The following ATXN7L1 variants were observed in gnomAD, a reference collection of about 807,000 sequenced individuals.
ATXN7L1 encodes the protein ataxin-7-like protein 1.
Under a neutral mutation model 70.8 loss-of-function variants are expected in ATXN7L1, and 15 were observed. The ratio of observed to expected loss-of-function variants is 0.21; its 90% CI spans 0.14 to 0.33. The LOEUF (loss-of-function observed/expected upper bound fraction) is 0.33, where lower values mean the gene tolerates loss of function less well. Among genes scored for constraint, ATXN7L1 ranks in the 10% least tolerant of loss-of-function variants. The pLI is 1.00. For missense variants in ATXN7L1, 975 were observed against 1,097.1 expected, an observed-to-expected ratio of 0.89 and a Z score of 1.57; for synonymous variants, 440 against 445.1, an observed-to-expected ratio of 0.99 and a Z score of 0.14.
chr7:105,639,629 T>A, intron 5 of ATXN7L1, 60 bp from the exon 6 acceptor site: 2 of 1,204,012 alleles, frequency 1.7e-6, no homozygotes, highest in Non-Finnish European at 2.4e-6. Context: ...GATTTGGCAT[T>A]AAGACTACAT....
rs1018387270 is a variant in ATXN7L1 at position 105,605,482 on chromosome 7, G to T, written c.*2370C>A. ...AGCAGCATTCGATGAGGGTGGGGGG[G>T]GGGGTGGGGGCTCTTTATTCCAGCT... On this transcript the variant is annotated 3_prime_UTR_variant, in exon 12 of 12. Coordinates refer to ENST00000419735, the MANE Select transcript of ATXN7L1 (RefSeq NM_020725.2). 3.0e-5 allele frequency: 3 copies of T among 98,468 alleles called. No individual in the cohort carries two copies. Among genetic ancestry groups the T allele is most frequent in the Admixed American group, 2.3e-4 (2 of 8,532 alleles). 6.1% of individuals were successfully genotyped at this position (98,468 alleles called of 1,614,324 possible).
At chr7:105,764,502 G>T (rs951883071) in intron 3 of ATXN7L1, among the ~76,000 whole-genome samples, 1 of 152,160 alleles carries the variant, frequency 6.6e-6, no homozygotes, top group Non-Finnish European at 1.5e-5. Flanking sequence ...CCCTCCAGGG[G>T]ATTCTGACAC....
chr7:105,610,501 T>TGGGG, intron 11 of ATXN7L1, 28 bp downstream of exon 11: 2 of 1,526,696 alleles, frequency 1.3e-6, no homozygotes, highest in Non-Finnish European at 8.9e-7. Flanking sequence ...TATGAATTTT[T>TGGGG]GCCCCACCCC....
At position 105,607,120 on chromosome 7, in the gene ATXN7L1, T is replaced by A. The variant is rs1021532114; in HGVS notation, c.*732A>T. 2 of 152,850 alleles carry A rather than the reference T, an allele frequency of 1.3e-5. No homozygotes were observed. Among genetic ancestry groups the A allele is most frequent in the African/African-American group, 4.8e-5 (2 of 41,434 alleles). 9.5% of individuals were successfully genotyped at this position (152,850 alleles called of 1,614,324 possible). On this transcript the variant is annotated 3_prime_UTR_variant, in exon 12 of 12. Transcript: ENST00000419735. ...TGCTGCCACCTTCCCAAACCTGTTC[T>A]GGCCCCTGTCCCTGACTGGTTTATC...
chr7:105,624,801 A>G (rs1339204502), intron 7 of ATXN7L1, among the ~76,000 whole-genome samples: 2 of 152,170 alleles, frequency 1.3e-5, no homozygotes, highest in East Asian at 1.9e-4. Flanking sequence ...GTTCTGCCCC[A>G]CTTGTTGTCC....
intron 3 of ATXN7L1, among the ~76,000 whole-genome samples, chr7:105,727,669 CAAA>C (rs761366095): frequency 2.6e-5 from 2 of 75,956 alleles, no homozygotes; most frequent in Non-Finnish European, 4.9e-5. Flanking sequence ...AACTTCATCT[CAAA>C]AAAAAAAAAA....
intron 3 of ATXN7L1, among the ~76,000 whole-genome samples, chr7:105,745,040 C>A (rs1291587850): frequency 6.6e-6 from 1 of 152,070 alleles, no homozygotes; most frequent in Non-Finnish European, 1.5e-5. Context: ...GCCCGGCCAA[C>A]AACTATTTTT....
rs534758152 is a variant in ATXN7L1 at position 105,751,602 on chromosome 7, C to T, written c.355+37002G>A. ...AGTAAGCTGTGATCTTGCCATTGCA[C>T]ACCAGCCTGGGCAACAGAGTGAGAT... On this transcript the variant is annotated intron_variant, in intron 3 of 11. Transcript: ENST00000419735. Among the ~76,000 whole-genome samples, 6 of 151,994 alleles carry T rather than the reference C, an allele frequency of 3.9e-5. No homozygotes were observed. The East Asian group carries it at 9.7e-4, about 25-fold the overall frequency.
At chr7:105,798,686 C>CA (rs1806348721) in intron 2 of ATXN7L1, among the ~76,000 whole-genome samples, 1 of 152,186 alleles carries the variant, frequency 6.6e-6, no homozygotes, top group Non-Finnish European at 1.5e-5. Flanking sequence ...TTGAAGATCT[C>CA]CTTGTAGGCA....
At chr7:105,789,997 C>T (rs1804902338) in intron 2 of ATXN7L1, among the ~76,000 whole-genome samples, 1 of 152,138 alleles carries the variant, frequency 6.6e-6, no homozygotes, top group African/African-American at 2.4e-5. Context: ...CTGATCCGGT[C>T]TACAGTGTGG....
intron 3 of ATXN7L1, among the ~76,000 whole-genome samples, chr7:105,743,339 G>C (rs1666107980): frequency 6.6e-6 from 1 of 152,206 alleles, no homozygotes; most frequent in Non-Finnish European, 1.5e-5. Flanking sequence ...GTTAGGCAGT[G>C]TGTGGCAGGA....
chr7:105,811,137 A>C (rs917590115), intron 2 of ATXN7L1, among the ~76,000 whole-genome samples: 3 of 152,214 alleles, frequency 2.0e-5, no homozygotes, highest in Non-Finnish European at 2.9e-5. Context: ...GAAGTGATCA[A>C]GTTAAGATGA....
intron 11 of ATXN7L1, 93 bp downstream of exon 11, chr7:105,610,436 T>G: frequency 2.6e-6 from 3 of 1,165,750 alleles, no homozygotes; most frequent in African/African-American, 1.5e-5. Flanking sequence ...GGAGATGAGG[T>G]TTGAATCAGG....
intron 3 of ATXN7L1, among the ~76,000 whole-genome samples, chr7:105,746,291 C>A (rs180880131): frequency 2.6e-5 from 4 of 152,306 alleles, no homozygotes; most frequent in African/African-American, 9.6e-5. Flanking sequence ...CTCTCTCTGG[C>A]TCAGAACCAT....
intron 3 of ATXN7L1, among the ~76,000 whole-genome samples, chr7:105,675,128 A>G (rs1231539419): frequency 2.0e-5 from 3 of 150,252 alleles, no homozygotes; most frequent in Non-Finnish European, 4.4e-5. Context: ...AAAAAGTTCA[A>G]AGATATTCTC....
chr7:105,733,490 C>T lies in ATXN7L1; in HGVS notation c.355+55114G>A, dbSNP rs528096167. Among the ~76,000 whole-genome samples, 17 of 133,912 alleles carry T rather than the reference C, an allele frequency of 1.3e-4. 1 individual carries two copies. The highest frequency in any genetic ancestry group is 5.2e-4 in the African/African-American group (17 of 32,852). The allele number at this position is 133,912 out of a possible 152,430, so 87.9% of individuals were successfully genotyped here. A position where few individuals can be genotyped will look rare whatever the true frequency, so the allele number is the denominator to read the frequency against. On this transcript the variant is annotated intron_variant, in intron 3 of 11. Transcript: ENST00000419735. ...TTTGACCTCCAGGAGGTCCATCCAT[C>T]CACCCATCCATCCTTCCATCCATCC...
intron 2 of ATXN7L1, among the ~76,000 whole-genome samples, chr7:105,808,347 C>T (rs1357523131): frequency 6.6e-6 from 1 of 152,204 alleles, no homozygotes; most frequent in Non-Finnish European, 1.5e-5. Context: ...ACTGGGGAGA[C>T]AGCAAAACCC....
At chr7:105,780,723 A>G (rs1803404380) in intron 3 of ATXN7L1, among the ~76,000 whole-genome samples, 1 of 152,130 alleles carries the variant, frequency 6.6e-6, no homozygotes, top group African/African-American at 2.4e-5. Context: ...AAAAAAAATT[A>G]TTTTGAAGTG....
intron 2 of ATXN7L1, among the ~76,000 whole-genome samples, chr7:105,813,749 T>C (rs1808786461): frequency 6.6e-6 from 1 of 152,182 alleles, no homozygotes; most frequent in Admixed American, 6.5e-5. Context: ...CACTTTCTGT[T>C]TTCTGGGAAC....
Sources: gnomAD v4.1 joint callset for allele counts (sites outside exome capture counted in the v4.1 genomes callset) on GRCh38, gnomAD v4.1.1 for gene constraint, MANE v1.5 for transcripts, NCBI Gene and HGNC (gene_info 2026-07-23, HGNC 2026-07-21) for gene names.